The following TPRG1 variants were observed in gnomAD, a reference collection of about 807,000 sequenced individuals.
TPRG1 encodes tumor protein p63-regulated gene 1 protein.
TPRG1 carries 29 observed loss-of-function variants against 29.3 expected under a neutral mutation model. The observed-to-expected ratio is 0.99, with a 90% CI of 0.74 to 1.35. The LOEUF (loss-of-function observed/expected upper bound fraction) is 1.35, where lower values mean the gene tolerates loss of function less well. Among genes scored for constraint, TPRG1 ranks in the 40% most tolerant of loss-of-function variants. The pLI is 0.00. For synonymous variants in TPRG1, 130 were observed against 116.8 expected, an observed-to-expected ratio of 1.11 and a Z score of -0.73; for missense variants, 327 against 335.0, an observed-to-expected ratio of 0.98 and a Z score of 0.19.
intron 5 of TPRG1, chr3:189,315,435 T>G: frequency 2.3e-6 from 1 of 442,612 alleles, no homozygotes. Context: ...CACTTTGTAT[T>G]TGCAACTTAT....
At position 189,236,873 on chromosome 3, in the gene TPRG1, CT is replaced by C. The variant is rs142072618; in HGVS notation, c.303-1857del. On this transcript the variant is annotated intron_variant, in intron 3 of 5. Coordinates refer to ENST00000345063, the MANE Select transcript of TPRG1 (RefSeq NM_198485.4). ...TCCTAACTGCATCTTGCCTATCTGT[CT>C]TTAGACTGCACTGTGAAGTGGTACA... is the stretch of plus-strand genomic sequence containing the variant. Among the ~76,000 whole-genome samples, 1,267 of 152,276 alleles carry C rather than the reference CT, an allele frequency of 8.3e-3. 17 individuals carry two copies. The highest frequency in any genetic ancestry group is 0.028 in the African/African-American group (1,180 of 41,562).
At chr3:189,045,517 G>A (rs1043122166) in intron 4 of TPRG1, among the ~76,000 whole-genome samples, 36 of 152,276 alleles carry the variant, frequency 2.4e-4, no homozygotes, top group African/African-American at 7.9e-4. Context: ...GCAGTTAATC[G>A]GAACAGGTTA....
chr3:189,318,425 C>T (rs1723892408), intron 5 of TPRG1, among the ~76,000 whole-genome samples: 2 of 152,114 alleles, frequency 1.3e-5, no homozygotes, highest in South Asian at 4.1e-4. Flanking sequence ...GTGGAAGATA[C>T]AGGATTTAAG....
At chr3:189,099,719 G>A (rs115443046), upstream of TPRG1, among the ~76,000 whole-genome samples, 1,776 of 152,238 alleles carry the variant, frequency 0.012, 39 homozygotes, top group African/African-American at 0.041. Context: ...GTCAACCATG[G>A]TTGCTCAGGG....
intron 5 of TPRG1, among the ~76,000 whole-genome samples, chr3:189,312,190 T>G (rs5017278): frequency 1.2e-4 from 2 of 17,336 alleles, no homozygotes; most frequent in East Asian, 5.7e-3. Flanking sequence ...TCTTTTTTTC[T>G]TTCTTTCTTT....
intron 4 of TPRG1, among the ~76,000 whole-genome samples, chr3:189,056,739 A>T (rs1179704720): frequency 6.6e-6 from 1 of 152,196 alleles, no homozygotes; most frequent in Non-Finnish European, 1.5e-5. Flanking sequence ...AGAATCTCTC[A>T]GTGCAGACAG....
chr3:189,155,110 G>C (rs1726493537), intron 5 of TPRG1, among the ~76,000 whole-genome samples: 1 of 152,158 alleles, frequency 6.6e-6, no homozygotes, highest in African/African-American at 2.4e-5. Context: ...TATGGTTGGG[G>C]AAGAGGGAGC....
At chr3:189,074,494 G>A (rs1232082545) in intron 4 of TPRG1, among the ~76,000 whole-genome samples, 4 of 151,840 alleles carry the variant, frequency 2.6e-5, no homozygotes, top group Non-Finnish European at 4.4e-5. Flanking sequence ...GTGAGCCACC[G>A]CGCCCGGCCC....
intron 3 of TPRG1, 73 bp from the exon 4 acceptor site, chr3:189,238,660 G>C (rs1739957940): frequency 1.5e-6 from 2 of 1,299,864 alleles, no homozygotes; most frequent in Non-Finnish European, 2.1e-6. Flanking sequence ...TCTGTGCTAG[G>C]AGAGATGTGA....
At chr3:189,214,870 G>A (rs1735789994) in intron 2 of TPRG1, among the ~76,000 whole-genome samples, 1 of 152,022 alleles carries the variant, frequency 6.6e-6, no homozygotes, top group Non-Finnish European at 1.5e-5. Flanking sequence ...GTATCTCCAT[G>A]AGTCAGCTAA....
intron 5 of TPRG1, among the ~76,000 whole-genome samples, chr3:189,165,714 C>A (rs1259583028): frequency 6.6e-6 from 1 of 152,072 alleles, no homozygotes; most frequent in Non-Finnish European, 1.5e-5. Flanking sequence ...GCTCACTGCA[C>A]TGGGGGTGGG....
chr3:189,111,004 A>G (rs1458426054), intron 1 of TPRG1, among the ~76,000 whole-genome samples: 3 of 151,918 alleles, frequency 2.0e-5, no homozygotes, highest in African/African-American at 7.2e-5. Flanking sequence ...GTTAAGTAGT[A>G]TGAGTCTTCC....
chr3:189,109,407 A>G (rs1406576380), intron 1 of TPRG1, among the ~76,000 whole-genome samples: 1 of 152,216 alleles, frequency 6.6e-6, no homozygotes, highest in Non-Finnish European at 1.5e-5. Flanking sequence ...TCCTGGGACA[A>G]GGGATGCAGC....
At chr3:189,260,957 T>C (rs1187166259) in intron 4 of TPRG1, among the ~76,000 whole-genome samples, 1 of 152,196 alleles carries the variant, frequency 6.6e-6, no homozygotes, top group Admixed American at 6.5e-5. Context: ...TTGAAAGGGC[T>C]TCTGCTCTGG....
At chr3:189,241,208 T>G (rs904209215) in intron 4 of TPRG1, among the ~76,000 whole-genome samples, 8 of 152,156 alleles carry the variant, frequency 5.3e-5, no homozygotes, top group Admixed American at 5.2e-4. Context: ...CAATTAATAC[T>G]TTCACAAAGT....
chr3:189,052,852 A>G (rs143010982), intron 4 of TPRG1, among the ~76,000 whole-genome samples: 1,858 of 152,328 alleles, frequency 0.012, 36 homozygotes, highest in African/African-American at 0.041. Context: ...CAAACATTGT[A>G]TGTTATCACT....
chr3:189,041,616 C>A (rs146265970), intron 4 of TPRG1, among the ~76,000 whole-genome samples: 2 of 152,310 alleles, frequency 1.3e-5, no homozygotes, highest in African/African-American at 4.8e-5. Context: ...GGAGGTGGAA[C>A]AAGCTTCCTA....
At chr3:189,074,473 G>A (rs1717011710) in intron 4 of TPRG1, among the ~76,000 whole-genome samples, 1 of 151,768 alleles carries the variant, frequency 6.6e-6, no homozygotes, top group African/African-American at 2.4e-5. Flanking sequence ...CCAAGTGCTG[G>A]GATTACAGGT....
At chr3:189,027,164 T>C (rs1713708211) in intron 4 of TPRG1, among the ~76,000 whole-genome samples, 1 of 152,214 alleles carries the variant, frequency 6.6e-6, no homozygotes, top group Non-Finnish European at 1.5e-5. Context: ...CTTCTTTCCT[T>C]GACCAACCTT....
Sources: allele counts gnomAD v4.1 joint callset (sites outside exome capture counted in the v4.1 genomes callset), GRCh38; gene constraint gnomAD v4.1.1; transcripts MANE v1.5; gene names NCBI Gene and HGNC (gene_info 2026-07-23, HGNC 2026-07-21).